IGSF11: variants seen among roughly 807,000 people sequenced by gnomAD.
The protein encoded by IGSF11 is CXADR like 1.
A neutral mutation model predicts 41.0 loss-of-function variants in IGSF11; 22 were observed. The observed-to-expected ratio is 0.54, with a 90% CI of 0.38 to 0.77. The LOEUF (loss-of-function observed/expected upper bound fraction) is 0.77, where lower values mean the gene tolerates loss of function less well. Ranked by LOEUF, IGSF11 falls within the 30% of genes least tolerant of loss-of-function variation. The pLI, the probability that IGSF11 is intolerant of heterozygous loss-of-function variation, is 0.00. For missense variants in IGSF11, 444 were observed against 530.8 expected, an observed-to-expected ratio of 0.84 and a Z score of 1.61; for synonymous variants, 219 against 201.3, an observed-to-expected ratio of 1.09 and a Z score of -0.74.
chr3:118,992,587 CCTAT>C (rs775574422), intron 1 of IGSF11, among the ~76,000 whole-genome samples: 1 of 152,178 alleles, frequency 6.6e-6, no homozygotes, highest in African/African-American at 2.4e-5. Context: ...ACAATTATGG[CCTAT>C]CTGACTTATG....
intron 1 of IGSF11, among the ~76,000 whole-genome samples, chr3:119,087,366 A>T (rs2076692286): frequency 7.0e-6 from 1 of 141,914 alleles, no homozygotes; most frequent in African/African-American, 2.8e-5. Context: ...GAATAAAGAA[A>T]ATGTTATACA....
At chr3:119,090,329 A>C (rs764428407) in intron 1 of IGSF11, among the ~76,000 whole-genome samples, 1 of 152,244 alleles carries the variant, frequency 6.6e-6, no homozygotes, top group Non-Finnish European at 1.5e-5. Flanking sequence ...TACAGATTTG[A>C]AGCTATTCCT....
At chr3:118,944,249 T>TAG (rs1943941586) in intron 1 of IGSF11, among the ~76,000 whole-genome samples, 1 of 152,192 alleles carries the variant, frequency 6.6e-6, no homozygotes, top group Non-Finnish European at 1.5e-5. Context: ...GGAATAGAGA[T>TAG]AGAGGTAATA....
chr3:119,034,835 TGCCCCAGGACTA>T, exon 1 of IGSF11: 1 of 1,243,654 alleles, frequency 8.0e-7, no homozygotes, highest in Admixed American at 4.2e-5. Flanking sequence ...CACCCAGCCC[TGCCCCAGGACTA>T]GCCGACCCCT....
chr3:118,904,527 G>A (rs1280135912), intron 6 of IGSF11, 121 bp downstream of exon 6: 2 of 723,398 alleles, frequency 2.8e-6, no homozygotes, highest in South Asian at 1.9e-5. Flanking sequence ...ATACCATTTA[G>A]CCACTTTAAT....
intron 4 of IGSF11, among the ~76,000 whole-genome samples, chr3:118,924,919 T>C (rs1942157164): frequency 6.6e-6 from 1 of 152,124 alleles, no homozygotes; most frequent in Admixed American, 6.6e-5. Flanking sequence ...GAATATAGTT[T>C]TCAGTATGTC....
chr3:119,083,504 TC>T, intron 1 of IGSF11, among the ~76,000 whole-genome samples: 1 of 148,704 alleles, frequency 6.7e-6, no homozygotes, highest in East Asian at 2.0e-4. Context: ...ACCACAAAGA[TC>T]ACACACACAC....
chr3:118,968,546 A>G (rs2107613959), intron 1 of IGSF11, among the ~76,000 whole-genome samples: 1 of 152,324 alleles, frequency 6.6e-6, no homozygotes, highest in East Asian at 1.9e-4. Flanking sequence ...AATTTAGGGC[A>G]AAACATTCTT....
At chr3:119,049,164 A>T (rs1302111315) in intron 1 of IGSF11, among the ~76,000 whole-genome samples, 2 of 151,568 alleles carry the variant, frequency 1.3e-5, no homozygotes, top group African/African-American at 2.4e-5. Context: ...TAGGCAGGAG[A>T]AGGAAATAAA....
rs959914767 is a variant in IGSF11 at position 119,067,114 on chromosome 3, A to G, written c.49+38030T>C. Among the ~76,000 whole-genome samples, 136 of 152,252 alleles carry G rather than the reference A, an allele frequency of 8.9e-4. 2 individuals are homozygous for G. Among genetic ancestry groups the G allele is most frequent in the African/African-American group, 3.0e-3 (124 of 41,556 alleles). The stretch of plus-strand genomic sequence containing the variant: ...TGTAAATCTAGTAGCTTTTTATTGT[A>G]TGCTAAGCTCCATGTATTTAAAAAA... On this transcript the variant is annotated intron_variant, in intron 1 of 6. Transcript: ENST00000354673.
chr3:119,020,611 T>C (rs1215725665), intron 1 of IGSF11, among the ~76,000 whole-genome samples: 1 of 152,250 alleles, frequency 6.6e-6, no homozygotes, highest in East Asian at 1.9e-4. Context: ...ACATTTGTCA[T>C]CCTTCTATCC....
chr3:119,137,946 C>T (rs996949223), intron 1 of IGSF11, among the ~76,000 whole-genome samples: 1 of 149,432 alleles, frequency 6.7e-6, no homozygotes, highest in Non-Finnish European at 1.5e-5. Context: ...GGCAAACTGG[C>T]ATATGAAAAA....
intron 1 of IGSF11, among the ~76,000 whole-genome samples, chr3:119,073,708 T>G (rs747457957): frequency 6.6e-6 from 1 of 152,198 alleles, no homozygotes; most frequent in Non-Finnish European, 1.5e-5. Flanking sequence ...GTGGGGCCAC[T>G]GAGCCCACAC....
intron 1 of IGSF11, among the ~76,000 whole-genome samples, chr3:119,068,269 C>A (rs867595354): frequency 2.6e-5 from 4 of 152,250 alleles, no homozygotes; most frequent in Admixed American, 6.5e-5. Flanking sequence ...CATCATTGAC[C>A]CAAACCATAT....
chr3:119,055,611 C>T (rs1231826688), intron 1 of IGSF11, among the ~76,000 whole-genome samples: 2 of 152,164 alleles, frequency 1.3e-5, no homozygotes, highest in Non-Finnish European at 2.9e-5. Flanking sequence ...CAGCTCTGCA[C>T]CAAGCAGACC....
intron 1 of IGSF11, among the ~76,000 whole-genome samples, chr3:119,111,401 C>T (rs1165662433): frequency 6.6e-6 from 1 of 152,230 alleles, no homozygotes; most frequent in African/African-American, 2.4e-5. Flanking sequence ...GAGGCTTCTG[C>T]ATTCTTCACG....
intron 1 of IGSF11, among the ~76,000 whole-genome samples, chr3:118,936,064 G>A (rs1316676685): frequency 6.6e-6 from 1 of 152,060 alleles, no homozygotes; most frequent in African/African-American, 2.4e-5. Flanking sequence ...AGAGTAAGAA[G>A]GAGGGAAATG....
At chr3:119,039,509 G>A (rs373271041), upstream of IGSF11, among the ~76,000 whole-genome samples, 1 of 152,148 alleles carries the variant, frequency 6.6e-6, no homozygotes, top group Admixed American at 6.5e-5. Flanking sequence ...CATCAGCAAC[G>A]TTAATTCCCC....
intron 1 of IGSF11, among the ~76,000 whole-genome samples, chr3:119,032,681 C>T (rs541555637): frequency 1.3e-5 from 2 of 152,326 alleles, no homozygotes; most frequent in East Asian, 3.9e-4. Context: ...CCAATTCATA[C>T]CCTATTCATT....
Sources: allele counts gnomAD v4.1 joint callset (sites outside exome capture counted in the v4.1 genomes callset), GRCh38; gene constraint gnomAD v4.1.1; transcripts MANE v1.5; gene names NCBI Gene and HGNC (gene_info 2026-07-23, HGNC 2026-07-21).